Variants in PKHD1 observed in about 807,000 individuals in gnomAD.
PKHD1 encodes fibrocystin.
Under a neutral mutation model 412.0 loss-of-function variants are expected in PKHD1, and 291 were observed. That is an observed-to-expected ratio of 0.71 (90% CI 0.64 to 0.78). PKHD1 has a LOEUF of 0.78. Ranked by LOEUF, PKHD1 falls within the 30% of genes least tolerant of loss-of-function variation. PKHD1 has a pLI of 0.00. For missense variants in PKHD1, 4,825 were observed against 4,950.7 expected (o/e 0.97, Z 0.76); for synonymous variants, 1,777 against 1,821.5 (o/e 0.98, Z 0.62).
intron 54 of PKHD1, among the ~76,000 whole-genome samples, chr6:51,773,789 G>C (rs540780022): frequency 7.2e-6 from 1 of 139,622 alleles, no homozygotes; most frequent in East Asian, 2.0e-4. Flanking sequence ...ATCTGATAAG[G>C]ACCAAAAAAA....
chr6:51,852,031 T>C (rs1772363597), intron 49 of PKHD1, among the ~76,000 whole-genome samples: 1 of 152,208 alleles, frequency 6.6e-6, no homozygotes. Context: ...AGCTTTCTGA[T>C]GTGGGCATTT....
chr6:51,662,838 T>C (rs944704211), intron 60 of PKHD1, among the ~76,000 whole-genome samples: 2 of 152,022 alleles, frequency 1.3e-5, no homozygotes, highest in Admixed American at 6.6e-5. Context: ...TTCTTTAAAA[T>C]TGACACAAGA....
At chr6:52,043,201 G>C in intron 26 of PKHD1, 67 bp from the exon 27 acceptor site, 1 of 1,258,000 alleles carries the variant, frequency 7.9e-7, no homozygotes, top group Non-Finnish European at 1.1e-6. Context: ...TCATTTGAGA[G>C]ACCTCTCACT....
chr6:51,827,792 T>C (rs6903511), intron 52 of PKHD1, among the ~76,000 whole-genome samples: 67,119 of 151,748 alleles, frequency 0.44, 15,893 homozygotes, highest in Middle Eastern at 0.61. Context: ...CGCTTGGAAC[T>C]GTGCCTTGAA....
At chr6:51,860,717 G>A (rs148008809) in intron 48 of PKHD1, among the ~76,000 whole-genome samples, 1 of 152,242 alleles carries the variant, frequency 6.6e-6, no homozygotes, top group African/African-American at 2.4e-5. Context: ...TCCTGTCTAT[G>A]ATCAAAAAGA....
chr6:51,811,073 A>G (rs1321367784), intron 52 of PKHD1, among the ~76,000 whole-genome samples: 1 of 152,150 alleles, frequency 6.6e-6, no homozygotes, highest in African/African-American at 2.4e-5. Context: ...TGCCACCTTT[A>G]TCTAATTATA....
At chr6:51,817,012 G>A (rs1001981870) in intron 52 of PKHD1, among the ~76,000 whole-genome samples, 24 of 152,196 alleles carry the variant, frequency 1.6e-4, no homozygotes, top group African/African-American at 5.5e-4. Flanking sequence ...AGCAACCTGG[G>A]GTGAAGGCAG....
At chr6:51,827,126 T>C (rs915254546) in intron 52 of PKHD1, among the ~76,000 whole-genome samples, 1 of 152,186 alleles carries the variant, frequency 6.6e-6, no homozygotes, top group African/African-American at 2.4e-5. Flanking sequence ...TAAAATCGTA[T>C]TATGTAAAAA....
Position 52,060,164 on chromosome 6 carries a change from T to C in PKHD1, c.1119-122A>G, listed in dbSNP as rs143629701. The C allele has an allele frequency of 7.6e-5, 53 of 693,786 alleles. No individual in the cohort carries two copies. In the Middle Eastern group the frequency reaches 1.1e-3, roughly 14 times the overall value. The allele number at this position is 693,786 out of a possible 1,614,324, so 43.0% of individuals were successfully genotyped here. On this transcript the variant is annotated intron_variant, in intron 14 of 66. Coordinates refer to ENST00000371117, the MANE Select transcript of PKHD1 (RefSeq NM_138694.4). ...ATAAAGAAGAACAACCTGATTCTTA[T>C]GCCACACAATTGTCCAGAATATTCT...
intron 51 of PKHD1, among the ~76,000 whole-genome samples, chr6:51,835,443 TA>T (rs1336680709): frequency 1.3e-5 from 2 of 152,150 alleles, no homozygotes; most frequent in Non-Finnish European, 2.9e-5. Flanking sequence ...ATTGATTACT[TA>T]GTAGTTTGAC....
chr6:51,981,349 C>A (rs1795191333), intron 35 of PKHD1, among the ~76,000 whole-genome samples: 1 of 100,046 alleles, frequency 1.0e-5, no homozygotes, highest in African/African-American at 3.4e-5. Flanking sequence ...CCCTCTCCCT[C>A]TCCCTCTCCC....
chr6:51,920,240 T>A (rs960591335), intron 37 of PKHD1, among the ~76,000 whole-genome samples: 1 of 152,254 alleles, frequency 6.6e-6, no homozygotes, highest in Non-Finnish European at 1.5e-5. Flanking sequence ...TTCTGCCCAT[T>A]CAGTATGATA....
At chr6:51,908,299 C>A (rs1442091117) in intron 40 of PKHD1, among the ~76,000 whole-genome samples, 1 of 152,072 alleles carries the variant, frequency 6.6e-6, no homozygotes, top group Non-Finnish European at 1.5e-5. Context: ...CCCTCAATGA[C>A]CTGAAGGATT....
chr6:51,766,139 G>A (rs1294097139), intron 55 of PKHD1, among the ~76,000 whole-genome samples: 1 of 151,984 alleles, frequency 6.6e-6, no homozygotes, highest in African/African-American at 2.4e-5. Flanking sequence ...CTCAATGTTT[G>A]ACAAACATAA....
intron 60 of PKHD1, among the ~76,000 whole-genome samples, chr6:51,742,268 C>A (rs189882669): frequency 6.6e-6 from 1 of 152,286 alleles, no homozygotes; most frequent in Admixed American, 6.5e-5. Flanking sequence ...CATTTCCATG[C>A]GCTTGGCACT....
intron 52 of PKHD1, among the ~76,000 whole-genome samples, chr6:51,808,241 G>A (rs1369821598): frequency 6.6e-6 from 1 of 151,948 alleles, no homozygotes; most frequent in Non-Finnish European, 1.5e-5. Flanking sequence ...TAAATGTAGT[G>A]TGTGTTTTTT....
At chr6:52,056,250 G>A (rs1450265309) in intron 18 of PKHD1, among the ~76,000 whole-genome samples, 1 of 152,346 alleles carries the variant, frequency 6.6e-6, no homozygotes, top group East Asian at 1.9e-4. Flanking sequence ...TGGAAGAGGT[G>A]TTCAAAAATA....
rs146114352 is a variant in PKHD1 at position 51,920,489 on chromosome 6, G to A, written c.6122-7913C>T. ...CAGGTATGAAGCCCACTTGATCTTG[G>A]TGGATAAGCTTTTTGATGTGCTGCT... On this transcript the variant is annotated intron_variant, in intron 37 of 66. Transcript: ENST00000371117. 5.4e-4 allele frequency among the ~76,000 whole-genome samples: 82 copies of A among 152,276 alleles called. No homozygotes were observed. In the Middle Eastern group the frequency reaches 0.01, roughly 19 times the overall value.
chr6:52,018,221 T>C (rs1800839941), intron 33 of PKHD1, among the ~76,000 whole-genome samples: 1 of 152,242 alleles, frequency 6.6e-6, no homozygotes, highest in Non-Finnish European at 1.5e-5. Context: ...TGGTATTTCC[T>C]AGCTTTTGCT....
Sources: gnomAD v4.1 joint callset for allele counts (sites outside exome capture counted in the v4.1 genomes callset) on GRCh38, gnomAD v4.1.1 for gene constraint, MANE v1.5 for transcripts, NCBI Gene and HGNC (gene_info 2026-07-23, HGNC 2026-07-21) for gene names.